Variants in TNR observed in about 807,000 individuals in gnomAD.
TNR encodes tenascin R.
In TNR, 45 loss-of-function variants were observed where a neutral mutation model predicts 150.4. The ratio of observed to expected loss-of-function variants is 0.30; its 90% confidence interval spans 0.24 to 0.38. The LOEUF (loss-of-function observed/expected upper bound fraction) is 0.38. Among genes scored for constraint, TNR ranks in the 10% least tolerant of loss-of-function variants. The probability of loss-of-function intolerance (pLI) is 1.00; values close to 1 mark genes in which losing one functional copy is unlikely to be tolerated. For missense variants in TNR, 1,544 were observed against 1,759.1 expected (o/e 0.88, Z 2.19); for synonymous variants, 687 against 678.4 (o/e 1.01, Z -0.20).
chr1:175,427,695 T>TTCCTTCCC (rs1655060633), intron 2 of TNR, among the ~76,000 whole-genome samples: 1 of 136,752 alleles, frequency 7.3e-6, no homozygotes, highest in African/African-American at 2.9e-5. Flanking sequence ...CCTTCCTTCC[T>TTCCTTCCC]TCCTTCCTTC....
At chr1:175,546,910 A>AT (rs1460819794) in intron 1 of TNR, among the ~76,000 whole-genome samples, 1 of 152,092 alleles carries the variant, frequency 6.6e-6, no homozygotes, top group East Asian at 1.9e-4. Flanking sequence ...ACCAGAGTCA[A>AT]TTTTTTCCCA....
chr1:175,518,675 T>C (rs150360088), intron 2 of TNR, among the ~76,000 whole-genome samples: 1 of 152,316 alleles, frequency 6.6e-6, no homozygotes, highest in East Asian at 1.9e-4. Flanking sequence ...CCCCCCATTC[T>C]GTAGTCATCA....
chr1:175,735,012 T>C (rs1229252802), intron 1 of TNR, among the ~76,000 whole-genome samples: 2 of 152,270 alleles, frequency 1.3e-5, no homozygotes, highest in Non-Finnish European at 2.9e-5. Context: ...TCTATAAATA[T>C]ATACGGCTTT....
chr1:175,398,131 T>C (rs776423365), intron 4 of TNR, among the ~76,000 whole-genome samples: 7 of 152,146 alleles, frequency 4.6e-5, no homozygotes, highest in Non-Finnish European at 7.4e-5. Flanking sequence ...TGTCTCCTCA[T>C]TGTACTCACA....
chr1:175,604,342 C>T (rs1376222443), intron 1 of TNR, among the ~76,000 whole-genome samples: 2 of 152,174 alleles, frequency 1.3e-5, no homozygotes, highest in African/African-American at 2.4e-5. Context: ...CCTTCTCTCC[C>T]CGACAACTGA....
At chr1:175,547,900 T>C (rs1660775807) in intron 1 of TNR, among the ~76,000 whole-genome samples, 1 of 152,214 alleles carries the variant, frequency 6.6e-6, no homozygotes. Flanking sequence ...AAATTTGGCC[T>C]CGGACTTGGC....
intron 1 of TNR, among the ~76,000 whole-genome samples, chr1:175,553,824 AC>A (rs1661043362): frequency 6.6e-6 from 1 of 151,096 alleles, no homozygotes; most frequent in African/African-American, 2.5e-5. Flanking sequence ...ACAAACACAC[AC>A]ACACACACAC....
chr1:175,357,608 CCA>C (rs1306568388), intron 15 of TNR, among the ~76,000 whole-genome samples: 1 of 152,158 alleles, frequency 6.6e-6, no homozygotes, highest in African/African-American at 2.4e-5. Flanking sequence ...CTGCAAATGC[CCA>C]CAGTCTGCTC....
intron 2 of TNR, among the ~76,000 whole-genome samples, chr1:175,419,890 C>T (rs143509805): frequency 1.4e-3 from 207 of 152,226 alleles, no homozygotes; most frequent in Non-Finnish European, 2.3e-3. Context: ...ACACACACTC[C>T]TTGGAACTCT....
intron 1 of TNR, among the ~76,000 whole-genome samples, chr1:175,649,856 T>C (rs1425766041): frequency 1.3e-5 from 2 of 152,208 alleles, no homozygotes; most frequent in African/African-American, 2.4e-5. Context: ...GCTCCTCACA[T>C]GCACCCTCTG....
chr1:175,615,251 G>A (rs1159915189), intron 1 of TNR, among the ~76,000 whole-genome samples: 1 of 152,204 alleles, frequency 6.6e-6, no homozygotes, highest in Non-Finnish European at 1.5e-5. Flanking sequence ...CTGAAGGGGA[G>A]GGAGGATTCT....
intron 2 of TNR, among the ~76,000 whole-genome samples, chr1:175,474,446 C>T (rs115280809): frequency 0.023 from 3,563 of 152,236 alleles, 144 homozygotes; most frequent in African/African-American, 0.08. Flanking sequence ...CTAACCCTGC[C>T]GGCCCCTGAT....
intron 2 of TNR, among the ~76,000 whole-genome samples, chr1:175,429,635 C>G (rs1333747603): frequency 1.3e-5 from 2 of 152,138 alleles, no homozygotes; most frequent in East Asian, 3.8e-4. Context: ...TAAATAGCAT[C>G]TTATGAGATT....
chr1:175,441,370 A>G (rs780848500), intron 2 of TNR, among the ~76,000 whole-genome samples: 8 of 152,252 alleles, frequency 5.3e-5, no homozygotes, highest in Non-Finnish European at 8.8e-5. Context: ...GACTAAAAAT[A>G]TAATAGATGA....
At position 175,358,201 on chromosome 1, in the gene TNR, G is replaced by A. The variant is rs182839124; in HGVS notation, c.2974+1411C>T. Among the ~76,000 whole-genome samples the A allele has an allele frequency of 3.3e-5, 5 of 152,276 alleles. No homozygotes were observed. In the East Asian group the frequency reaches 9.7e-4, roughly 29 times the overall value. On this transcript the variant is annotated intron_variant, in intron 15 of 22. Coordinates refer to ENST00000367674, the MANE Select transcript of TNR (RefSeq NM_003285.3). ...ATTGTGCATGCTCACAGAGGGGTTAGGACATACCCATAGTAATGCTATCCC... is the reference window on the plus strand; with the variant it reads ...ATTGTGCATGCTCACAGAGGGGTTAAGACATACCCATAGTAATGCTATCCC...
Position 175,508,645 on chromosome 1 carries a change from G to T in TNR, c.-64+19624C>A, listed in dbSNP as rs570668665. Among the ~76,000 whole-genome samples, 9 of 152,314 alleles carry T rather than the reference G, an allele frequency of 5.9e-5. 1 individual carries two copies. The South Asian group carries it at 1.9e-3, about 32-fold the overall frequency. On this transcript the variant is annotated intron_variant, in intron 2 of 22. Transcript: ENST00000367674. ...CACATGATGAGAAGAGGCCCTCGAG[G>T]ACCCATGGGTGTGCGTGGGAGCAAA... is the stretch of plus-strand genomic sequence containing the variant.
chr1:175,625,968 G>T (rs202083140), intron 1 of TNR, among the ~76,000 whole-genome samples: 3 of 79,804 alleles, frequency 3.8e-5, no homozygotes, highest in South Asian at 4.5e-4. Context: ...GGAGGGACCC[G>T]GGGGGGAGGT....
chr1:175,415,040 C>T (rs553246373), intron 2 of TNR, among the ~76,000 whole-genome samples: 15 of 151,354 alleles, frequency 9.9e-5, no homozygotes, highest in African/African-American at 2.7e-4. Flanking sequence ...GGCTGGTGCT[C>T]GATTTGGATT....
intron 2 of TNR, among the ~76,000 whole-genome samples, chr1:175,438,484 T>C (rs547730429): frequency 6.6e-6 from 1 of 152,238 alleles, no homozygotes; most frequent in South Asian, 2.1e-4. Flanking sequence ...AGGGATGCCC[T>C]CTCTCACCAC....
Sources: gnomAD v4.1 joint callset for allele counts (sites outside exome capture counted in the v4.1 genomes callset) on GRCh38, gnomAD v4.1.1 for gene constraint, MANE v1.5 for transcripts, NCBI Gene and HGNC (gene_info 2026-07-23, HGNC 2026-07-21) for gene names.